IL1R1: variants seen among roughly 807,000 people sequenced by gnomAD.
The protein encoded by IL1R1 is interleukin 1 receptor type 1.
In IL1R1, 22 loss-of-function variants were observed where a neutral mutation model predicts 50.2. The ratio of observed to expected loss-of-function variants is 0.44; its 90% CI spans 0.31 to 0.63. The LOEUF is 0.63. Ranked by LOEUF, IL1R1 falls within the 20% of genes least tolerant of loss-of-function variation. The pLI is 0.07. For missense variants in IL1R1, 509 were observed against 676.2 expected (o/e 0.75, Z 2.74); for synonymous variants, 251 against 236.7 (o/e 1.06, Z -0.55).
Position 102,174,682 on chromosome 2 carries a change from A to C in IL1R1, c.1087A>C (p.Ile363Leu). The stretch of plus-strand genomic sequence containing the variant: ...CATCTATAAAATCTTCAAGATTGAC[A>C]TTGTGCTTTGGTACAGGGATTCCTG... ...VFIYKIFKID[I>L]VLWYRDSCYD... The change falls in exon 10 of 12, where the codon ATT (isoleucine) becomes CTT (leucine). Residue 363 changes from isoleucine to leucine, a missense_variant. By Grantham distance (5) the Ile-to-Leu change is conservative. Transcript: ENST00000410023. The C allele has an allele frequency of 6.2e-7, 1 of 1,612,308 alleles. No homozygotes were observed. Among genetic ancestry groups the C allele is most frequent in the African/African-American group, 1.3e-5 (1 of 74,962 alleles).
chr2:102,082,284 ATAT>A (rs71827660), intron 1 of IL1R1, among the ~76,000 whole-genome samples: 45,357 of 151,828 alleles, frequency 0.3, 7,134 homozygotes, highest in Non-Finnish European at 0.34. Flanking sequence ...TTTAATTTAA[ATAT>A]TATTTCTGGA....
intron 1 of IL1R1, among the ~76,000 whole-genome samples, chr2:102,122,988 G>A (rs1577898275): frequency 6.6e-6 from 1 of 152,236 alleles, no homozygotes; most frequent in Non-Finnish European, 1.5e-5. Flanking sequence ...GCTCATGCCT[G>A]TAGACTGAAA....
At chr2:102,076,612 T>C (rs892133822) in intron 1 of IL1R1, among the ~76,000 whole-genome samples, 2 of 152,246 alleles carry the variant, frequency 1.3e-5, no homozygotes, top group Non-Finnish European at 2.9e-5. Context: ...TTATTTCTTT[T>C]AGCCCTTTAA....
chr2:102,160,554 T>G (rs1684624806), intron 3 of IL1R1, among the ~76,000 whole-genome samples: 1 of 152,150 alleles, frequency 6.6e-6, no homozygotes, highest in South Asian at 2.1e-4. Context: ...AGCTTACAGC[T>G]TGCCCTTCAT....
rs201116381 is a variant in IL1R1, at chr2:102,171,923, G to T, written c.839+5G>T. ...GCTAGGGGAAGACTATTACAGGTATGTATGCTAAGAGTTATTCACATTTTG... is the reference window on the plus strand; with the variant it reads ...GCTAGGGGAAGACTATTACAGGTATTTATGCTAAGAGTTATTCACATTTTG... On this transcript the variant is annotated splice_donor_5th_base_variant and intron_variant, in intron 8 of 11. Transcript: ENST00000410023. 1.0e-4 allele frequency: 145 copies of T among 1,412,906 alleles called. No homozygotes were observed. The highest frequency in any genetic ancestry group is 1.3e-4 in the Non-Finnish European group (133 of 1,013,226). 87.5% of individuals were successfully genotyped at this position (1,412,906 alleles called of 1,614,324 possible).
intron 1 of IL1R1, among the ~76,000 whole-genome samples, chr2:102,131,062 A>T (rs1247381722): frequency 6.6e-6 from 1 of 152,130 alleles, no homozygotes; most frequent in Non-Finnish European, 1.5e-5. Context: ...TCCCTAAAAG[A>T]TTAGATGAAA....
intron 1 of IL1R1, among the ~76,000 whole-genome samples, chr2:102,146,881 T>A (rs1683177009): frequency 6.6e-6 from 1 of 152,054 alleles, no homozygotes; most frequent in African/African-American, 2.4e-5. Flanking sequence ...TCACCCAGGG[T>A]CCCCTTCCCC....
intron 7 of IL1R1, among the ~76,000 whole-genome samples, chr2:102,170,754 A>G (rs1685599624): frequency 6.6e-6 from 1 of 152,228 alleles, no homozygotes. Context: ...AATCTCAGAA[A>G]AACTGAAATT....
intron 2 of IL1R1, among the ~76,000 whole-genome samples, 169 bp downstream of exon 2, chr2:102,154,186 T>C (rs1399435886): frequency 6.6e-6 from 1 of 152,202 alleles, no homozygotes; most frequent in South Asian, 2.1e-4. Context: ...TTTTATTAAA[T>C]TTTGGAAGGA....
intron 1 of IL1R1, among the ~76,000 whole-genome samples, chr2:102,084,145 A>T (rs1369199394): frequency 6.6e-6 from 1 of 152,172 alleles, no homozygotes; most frequent in Non-Finnish European, 1.5e-5. Context: ...TTATAATGTG[A>T]GGCGCAAATG....
intron 1 of IL1R1, among the ~76,000 whole-genome samples, chr2:102,146,413 C>T (rs1377191210): frequency 1.3e-5 from 2 of 152,092 alleles, no homozygotes; most frequent in African/African-American, 4.8e-5. Context: ...GAAATAAAAG[C>T]AATTTGTATT....
intron 1 of IL1R1, among the ~76,000 whole-genome samples, chr2:102,116,042 G>A (rs1473649864): frequency 6.6e-6 from 1 of 152,180 alleles, no homozygotes; most frequent in African/African-American, 2.4e-5. Flanking sequence ...TTATTTAGAA[G>A]GAAATTGTGT....
intron 1 of IL1R1, among the ~76,000 whole-genome samples, chr2:102,129,534 C>A (rs1463466383): frequency 1.3e-5 from 2 of 152,146 alleles, no homozygotes; most frequent in Non-Finnish European, 1.5e-5. Flanking sequence ...GAATTCAGGG[C>A]AGGATTTGTA....
At chr2:102,145,459 T>A (rs1683036492) in intron 1 of IL1R1, among the ~76,000 whole-genome samples, 1 of 152,142 alleles carries the variant, frequency 6.6e-6, no homozygotes, top group African/African-American at 2.4e-5. Context: ...CTCTTTAAGG[T>A]CCCAGTCGCC....
intron 5 of IL1R1, among the ~76,000 whole-genome samples, chr2:102,165,786 G>A (rs902528145): frequency 6.6e-6 from 1 of 152,134 alleles, no homozygotes; most frequent in Non-Finnish European, 1.5e-5. Flanking sequence ...AGCTTAAGAC[G>A]TACTAAATAC....
At chr2:102,135,602 C>T (rs1443212681) in intron 1 of IL1R1, among the ~76,000 whole-genome samples, 1 of 152,058 alleles carries the variant, frequency 6.6e-6, no homozygotes, top group African/African-American at 2.4e-5. Flanking sequence ...CCTGGTTGAT[C>T]AAAAGGAAAG....
chr2:102,088,854 G>A (rs1026759012), intron 1 of IL1R1, among the ~76,000 whole-genome samples: 67 of 152,296 alleles, frequency 4.4e-4, no homozygotes, highest in African/African-American at 1.4e-3. Flanking sequence ...TGGAGATGGC[G>A]TCTTTCCTTC....
intron 1 of IL1R1, among the ~76,000 whole-genome samples, chr2:102,124,154 G>A (rs797012508): frequency 1.3e-5 from 2 of 152,258 alleles, no homozygotes; most frequent in African/African-American, 4.8e-5. Context: ...GGGCACAGTG[G>A]CTCATACCTG....
At chr2:102,148,993 A>G (rs1683406542) in intron 1 of IL1R1, among the ~76,000 whole-genome samples, 1 of 151,926 alleles carries the variant, frequency 6.6e-6, no homozygotes, top group African/African-American at 2.4e-5. Flanking sequence ...GGTAACAGGA[A>G]GACATCATAA....
Sources: gnomAD v4.1 joint callset for allele counts (sites outside exome capture counted in the v4.1 genomes callset) on GRCh38, gnomAD v4.1.1 for gene constraint, MANE v1.5 for transcripts, NCBI Gene and HGNC (gene_info 2026-07-23, HGNC 2026-07-21) for gene names.